Variants in USP34 observed in about 807,000 individuals in gnomAD.
USP34 encodes the protein ubiquitin carboxyl-terminal hydrolase 34.
Under a neutral mutation model 460.3 loss-of-function variants are expected in USP34, and 70 were observed. That is an observed-to-expected ratio of 0.15 (90% CI 0.13 to 0.19). USP34 has a LOEUF of 0.19. Among genes scored for constraint, USP34 ranks in the 10% least tolerant of loss-of-function variants. The pLI is 1.00. For synonymous variants in USP34, 1,647 were observed against 1,405.3 expected (o/e 1.17, Z -3.85); for missense variants, 3,985 against 4,236.2 (o/e 0.94, Z 1.65).
intron 1 of USP34, among the ~76,000 whole-genome samples, chr2:61,454,251 A>G (rs538935086): frequency 2.6e-5 from 4 of 152,070 alleles, no homozygotes; most frequent in African/African-American, 9.6e-5. Flanking sequence ...CTGCCTCCCA[A>G]GTAGCTGGGG....
In USP34 at chr2:61,204,468, T is replaced by C. The variant is rs370588237; in HGVS notation, c.9259+29A>G. On this transcript the variant is annotated intron_variant, in intron 73 of 79. Transcript: ENST00000398571. ...GCAGAACGATTAAATGCGAACCATATTGAAGTACTGTGCTAGATAAATACG... is the reference window on the plus strand; with the variant it reads ...GCAGAACGATTAAATGCGAACCATACTGAAGTACTGTGCTAGATAAATACG... The C allele has an allele frequency of 2.1e-4, 338 of 1,612,428 alleles. 1 individual carries two copies. Among genetic ancestry groups the C allele is most frequent in the Admixed American group, 4.0e-4 (24 of 59,946 alleles).
chr2:61,236,451 T>A, intron 53 of USP34, 62 bp from the exon 54 acceptor site: 2 of 1,241,064 alleles, frequency 1.6e-6, no homozygotes, highest in Non-Finnish European at 2.2e-6. Flanking sequence ...TTTACCAATA[T>A]TTTTATTAGA....
At chr2:61,374,319 C>A (rs1306225608) in intron 8 of USP34, among the ~76,000 whole-genome samples, 1 of 152,118 alleles carries the variant, frequency 6.6e-6, no homozygotes, top group African/African-American at 2.4e-5. Flanking sequence ...CCCCTCAGCA[C>A]CTCCATCTCC....
At chr2:61,226,426 T>C (rs1360073800) in intron 62 of USP34, among the ~76,000 whole-genome samples, 5 of 152,086 alleles carry the variant, frequency 3.3e-5, no homozygotes, top group Admixed American at 6.5e-5. Flanking sequence ...AATAATGAGG[T>C]TTGGTTGTAC....
intron 15 of USP34, among the ~76,000 whole-genome samples, chr2:61,345,777 G>C (rs1167388252): frequency 6.6e-6 from 1 of 152,056 alleles, no homozygotes; most frequent in East Asian, 1.9e-4. Flanking sequence ...TAGAACTACA[G>C]GTGTGTGATA....
chr2:61,423,170 G>C (rs760436625), intron 1 of USP34, among the ~76,000 whole-genome samples: 1 of 152,204 alleles, frequency 6.6e-6, no homozygotes, highest in Non-Finnish European at 1.5e-5. Context: ...CTGGAGTGCA[G>C]TGGCACAATC....
At chr2:61,260,994 T>C (rs1688861534) in intron 43 of USP34, among the ~76,000 whole-genome samples, 1 of 152,216 alleles carries the variant, frequency 6.6e-6, no homozygotes, top group African/African-American at 2.4e-5. Context: ...TCCATTAGGA[T>C]GGCTATTATT....
At chr2:61,469,274 A>G (rs1269090549) in intron 1 of USP34, among the ~76,000 whole-genome samples, 2 of 152,218 alleles carry the variant, frequency 1.3e-5, no homozygotes. Flanking sequence ...TTACATTGCA[A>G]AACGATTAAC....
At position 61,232,437 on chromosome 2, in the gene USP34, C is replaced by A. The variant is rs776640337; in HGVS notation, c.7113+15G>T. On this transcript the variant is annotated intron_variant, in intron 58 of 79. Coordinates refer to ENST00000398571, the MANE Select transcript of USP34 (RefSeq NM_014709.4). The stretch of plus-strand genomic sequence containing the variant: ...TCTTTTCCAAATAATTTTTTTCAAA[C>A]ATATTTTTCCTTACCTGTCTCACAA... 6.3e-7 allele frequency: 1 copy of A among 1,585,782 alleles called. No homozygotes were observed. Among genetic ancestry groups the A allele is most frequent in the Admixed American group, 1.8e-5 (1 of 54,914 alleles).
intron 44 of USP34, among the ~76,000 whole-genome samples, chr2:61,258,354 G>A (rs1369141095): frequency 6.6e-6 from 1 of 152,040 alleles, no homozygotes; most frequent in East Asian, 1.9e-4. Context: ...AATACACAAA[G>A]AAGTATGACA....
intron 75 of USP34, chr2:61,194,063 A>G: frequency 4.1e-6 from 4 of 972,898 alleles, no homozygotes; most frequent in Non-Finnish European, 4.9e-6. Context: ...TGGTTATACA[A>G]AAACAGGCAG....
chr2:61,456,911 G>GT (rs1695457782), intron 1 of USP34, among the ~76,000 whole-genome samples: 1 of 152,014 alleles, frequency 6.6e-6, no homozygotes, highest in Non-Finnish European at 1.5e-5. Context: ...CACCTGGGAC[G>GT]TTGAGGCTGC....
intron 1 of USP34, 123 bp downstream of exon 1, chr2:61,470,527 A>C: frequency 2.3e-6 from 1 of 436,112 alleles, no homozygotes; most frequent in Non-Finnish European, 4.0e-6. Context: ...CCGGGGCGCT[A>C]GGCCCGCACG....
At chr2:61,383,068 G>C (rs1229510984) in intron 6 of USP34, among the ~76,000 whole-genome samples, 1 of 151,960 alleles carries the variant, frequency 6.6e-6, no homozygotes, top group African/African-American at 2.4e-5. Flanking sequence ...GTAAAAAAAA[G>C]TCCAACATAA....
chr2:61,392,935 T>C (rs1209133393), intron 5 of USP34, among the ~76,000 whole-genome samples: 3 of 152,208 alleles, frequency 2.0e-5, no homozygotes, highest in Non-Finnish European at 4.4e-5. Context: ...TAAAACTTTC[T>C]ATCAAACAAA....
chr2:61,361,812 T>C (rs987959474), intron 10 of USP34, among the ~76,000 whole-genome samples: 4 of 152,048 alleles, frequency 2.6e-5, no homozygotes, highest in African/African-American at 4.8e-5. Flanking sequence ...AAATATACAA[T>C]TGAGATTTCA....
chr2:61,300,919 AAACAAGATTT>A, intron 29 of USP34, 22 bp downstream of exon 29: 1 of 1,507,438 alleles, frequency 6.6e-7, no homozygotes, highest in African/African-American at 1.4e-5. Context: ...CAGAGACACA[AAACAAGATTT>A]GTGAAAATGA....
At chr2:61,342,213 G>C (rs938469084) in intron 16 of USP34, among the ~76,000 whole-genome samples, 2 of 151,270 alleles carry the variant, frequency 1.3e-5, no homozygotes, top group Admixed American at 6.6e-5. Flanking sequence ...ATTTCAATAG[G>C]TATGTAGTAG....
chr2:61,431,860 A>C (rs1157832409), intron 1 of USP34, among the ~76,000 whole-genome samples: 1 of 152,132 alleles, frequency 6.6e-6, no homozygotes, highest in Admixed American at 6.5e-5. Flanking sequence ...ATCTCAAAAA[A>C]ATAAATAAAT....
Sources: gnomAD v4.1 joint callset for allele counts (sites outside exome capture counted in the v4.1 genomes callset) on GRCh38, gnomAD v4.1.1 for gene constraint, MANE v1.5 for transcripts, NCBI Gene and HGNC (gene_info 2026-07-23, HGNC 2026-07-21) for gene names.